Variants in NF1 observed in about 807,000 individuals in gnomAD.
The protein encoded by NF1 is neurofibromin 1.
In NF1, 122 loss-of-function variants were observed where a neutral mutation model predicts 325.7. The observed-to-expected ratio is 0.37, with a 90% CI of 0.32 to 0.44. The LOEUF (loss-of-function observed/expected upper bound fraction) is 0.44, where lower values mean the gene tolerates loss of function less well. Among genes scored for constraint, NF1 ranks in the 20% least tolerant of loss-of-function variants. The pLI is 1.00. For missense variants in NF1, 2,140 were observed against 3,415.4 expected (o/e 0.63, Z 9.31); for synonymous variants, 1,091 against 1,186.0 (o/e 0.92, Z 1.65).
intron 36 of NF1, among the ~76,000 whole-genome samples, chr17:31,282,250 C>T (rs1299741003): frequency 6.6e-6 from 1 of 151,594 alleles, no homozygotes; most frequent in Non-Finnish European, 1.5e-5. Flanking sequence ...GGCGCGGTGG[C>T]AGGCACCTGT....
In NF1 at chr17:31,357,055, G is replaced by C. The variant is rs2151582450; in HGVS notation, c.7834G>C (p.Asp2612His). ...NVLLDEEVLT[D>H]PKIQALLLTV... ...TCTCTTGGATGAAGAAGTACTTACT[G>C]ATCCGAAGATCCAGGCGCTGCTTCT... Residue 2612 changes from aspartate to histidine, a missense_variant, in exon 53 of 58, where the codon GAT becomes CAT. Transcript: ENST00000358273. The C allele has an allele frequency of 1.2e-6, 2 of 1,613,812 alleles. No homozygotes were observed. The highest frequency in any genetic ancestry group is 1.7e-6 in the Non-Finnish European group (2 of 1,179,954).
chr17:31,244,864 C>T (rs2067364528), intron 29 of NF1, among the ~76,000 whole-genome samples: 1 of 152,160 alleles, frequency 6.6e-6, no homozygotes, highest in South Asian at 2.1e-4. Context: ...GGGGGACGAT[C>T]CCTGGAGGCC....
chr17:31,227,615 G>C lies in NF1; in HGVS notation c.2409+9G>C, dbSNP rs2151427669. ...AAATGGAAGATGGCCAGGTAAGTCT[G>C]TAAAGTTGACTTTTGTCTGTTAACT... is the stretch of plus-strand genomic sequence containing the variant. On this transcript the variant is annotated intron_variant, in intron 20 of 57. Coordinates refer to ENST00000358273, the MANE Select transcript of NF1 (RefSeq NM_001042492.3). 6.2e-7 allele frequency: 1 copy of C among 1,612,526 alleles called. No homozygotes were observed. Among genetic ancestry groups the C allele is most frequent in the East Asian group, 2.2e-5 (1 of 44,826 alleles).
intron 36 of NF1, among the ~76,000 whole-genome samples, chr17:31,301,500 A>G (rs748453963): frequency 1.1e-4 from 17 of 152,180 alleles, no homozygotes; most frequent in Non-Finnish European, 2.1e-4. Context: ...ATAGGTTCCC[A>G]AAGGTGCTAC....
intron 1 of NF1, among the ~76,000 whole-genome samples, chr17:31,152,149 C>G (rs999394781): frequency 7.0e-6 from 1 of 143,458 alleles, no homozygotes; most frequent in African/African-American, 2.5e-5. Context: ...AAAATTTTGT[C>G]AAAGTCTGAT....
intron 36 of NF1, among the ~76,000 whole-genome samples, chr17:31,299,954 A>T (rs1388674049): frequency 6.6e-6 from 1 of 152,090 alleles, no homozygotes; most frequent in African/African-American, 2.4e-5. Flanking sequence ...CATATCATTG[A>T]CATAATTGCT....
At chr17:31,166,025 C>G (rs1351305123) in intron 4 of NF1, among the ~76,000 whole-genome samples, 2 of 152,124 alleles carry the variant, frequency 1.3e-5, no homozygotes, top group African/African-American at 4.8e-5. Context: ...TTATTTTTCT[C>G]TGGGAGTATA....
intron 56 of NF1, chr17:31,360,228 C>T: frequency 2.1e-6 from 1 of 487,070 alleles, no homozygotes; most frequent in East Asian, 3.9e-5. Context: ...ATTGTATTGT[C>T]TCAGTATTAC....
At chr17:31,340,762 T>A (rs941698795) in intron 47 of NF1, 117 bp downstream of exon 47, 1 of 1,059,372 alleles carries the variant, frequency 9.4e-7, no homozygotes, top group Non-Finnish European at 1.4e-6. Context: ...GGAATTTGTA[T>A]AATGTAACTT....
chr17:31,335,296 A>ATATATATATATATATATATAGG (rs1440930498), intron 40 of NF1, among the ~76,000 whole-genome samples: 11 of 50,098 alleles, frequency 2.2e-4, no homozygotes, highest in Non-Finnish European at 2.9e-4. Context: ...ATATATATAT[A>ATATATATATATATATATATAGG]ATTATGCCTT....
Position 31,327,719 on chromosome 17 carries a change from G to T in NF1, c.5489G>T (p.Arg1830Leu), listed in dbSNP as rs771529172. ...IVQSIIHIRT[R>L]WELSQPDSIP... ...CAGTCTATCATTCATATCCGGACCC[G>T]CTGGGAACTGTCACAGCCCGACTCT... Residue 1830 changes from arginine to leucine, a missense_variant, in exon 38 of 58, where the codon CGC (arginine) becomes CTC (leucine). By Grantham distance (102) the Arg-to-Leu change is moderately radical (BLOSUM62 -2). Coordinates refer to ENST00000358273, the MANE Select transcript of NF1 (RefSeq NM_001042492.3). 3.1e-6 allele frequency: 5 copies of T among 1,614,086 alleles called. No homozygotes were observed. Among genetic ancestry groups the T allele is most frequent in the Non-Finnish European group, 2.5e-6 (3 of 1,180,008 alleles).
chr17:31,116,559 C>T (rs1252562403), intron 1 of NF1, among the ~76,000 whole-genome samples: 1 of 152,160 alleles, frequency 6.6e-6, no homozygotes, highest in East Asian at 1.9e-4. Context: ...TCTTCCCTTT[C>T]AAGGCCCTAT....
Position 31,226,468 on chromosome 17 carries a change from A to G in NF1, c.2035A>G (p.Ile679Val), listed in dbSNP as rs1254780857. 1 of 1,613,586 alleles carries G rather than the reference A, an allele frequency of 6.2e-7. No individual in the cohort carries two copies. Among genetic ancestry groups the G allele is most frequent in the Non-Finnish European group, 8.5e-7 (1 of 1,179,780 alleles). Residue 679 changes from isoleucine (I) to valine (V), a missense_variant, in exon 18 of 58, where the codon ATT becomes GTT. By Grantham distance (29) the Ile-to-Val change is conservative. This residue lies in a region of NF1 where 380 missense variants were observed against 639.3 expected (regional missense o/e 0.59). Coordinates refer to ENST00000358273, the MANE Select transcript of NF1 (RefSeq NM_001042492.3). ...AGCAGGATGCAGCGGAACCCCCCCG[A>G]TTTGCCGACAAGCCCAGACCAAACT... is the stretch of plus-strand genomic sequence containing the variant. ...SAAGCSGTPPICRQAQTKLEV... is the reference protein window; with the variant it reads ...SAAGCSGTPPVCRQAQTKLEV...
intron 36 of NF1, among the ~76,000 whole-genome samples, chr17:31,286,642 A>C (rs2068232783): frequency 6.6e-6 from 1 of 152,220 alleles, no homozygotes; most frequent in Admixed American, 6.5e-5. Context: ...ATTATTTGTC[A>C]TTGGTATAAG....
intron 1 of NF1, among the ~76,000 whole-genome samples, chr17:31,133,871 G>T (rs998451040): frequency 6.6e-6 from 1 of 152,128 alleles, no homozygotes. Context: ...TGGCCAGGCT[G>T]GTCTTGAACT....
Position 31,227,516 on chromosome 17 carries a change from A to G in NF1, c.2326-7A>G, listed in dbSNP as rs2151427420. The G allele has an allele frequency of 6.2e-7, 1 of 1,613,694 alleles. No homozygotes were observed. Among genetic ancestry groups the G allele is most frequent in the Non-Finnish European group, 8.5e-7 (1 of 1,179,712 alleles). On this transcript the variant is annotated splice_polypyrimidine_tract_variant and splice_region_variant and intron_variant, in intron 19 of 57. Coordinates refer to ENST00000358273, the MANE Select transcript of NF1 (RefSeq NM_001042492.3). ...TTGCTTTCAAGTGATAATTGCCTTC[A>G]TTTTAGGCTTGGGAAGATACACATG...
intron 1 of NF1, among the ~76,000 whole-genome samples, chr17:31,143,139 G>A (rs1916350765): frequency 6.6e-6 from 1 of 152,004 alleles, no homozygotes; most frequent in South Asian, 2.1e-4. Flanking sequence ...TATTATAGGT[G>A]CTGTATGTTT....
intron 36 of NF1, chr17:31,320,301 C>T: frequency 8.0e-7 from 1 of 1,257,194 alleles, no homozygotes; most frequent in Admixed American, 2.6e-5. Context: ...CCTACGTATG[C>T]TATAGAAATT....
In NF1 at chr17:31,229,444, GT is replaced by G. The variant is rs1567849208; in HGVS notation, c.2835del (p.Phe945LeufsTer9). 1 of 1,613,814 alleles carries G rather than the reference GT, an allele frequency of 6.2e-7. No individual in the cohort carries two copies. Among genetic ancestry groups the G allele is most frequent in the South Asian group, 1.1e-5 (1 of 91,076 alleles). The stretch of plus-strand genomic sequence containing the variant: ...ACAAATTGAAGAATACCATCAGCAA[GT>G]TTTTTGACTCCCAAGGACAGGTAAA... ...FNKLKNTISKFFDSQGQVLLT... is the reference protein window; with the variant it reads ...FNKLKNTISKXFDSQGQVLLT... On this transcript the variant is annotated frameshift_variant, in exon 21 of 58. Coordinates refer to ENST00000358273, the MANE Select transcript of NF1 (RefSeq NM_001042492.3). LOFTEE classifies it high-confidence loss of function.
Sources: gnomAD v4.1 joint callset for allele counts (sites outside exome capture counted in the v4.1 genomes callset) on GRCh38, gnomAD v4.1.1 for gene constraint, gnomAD v4.1.1 regional missense constraint, MANE v1.5 for transcripts, NCBI Gene and HGNC (gene_info 2026-07-23, HGNC 2026-07-21) for gene names.